Variants in PDIA5 observed in about 807,000 individuals in gnomAD.
The protein encoded by PDIA5 is protein disulfide-isomerase A5.
Under a neutral mutation model 77.6 loss-of-function variants are expected in PDIA5, and 58 were observed. The observed-to-expected ratio is 0.75, with a 90% CI of 0.61 to 0.93. PDIA5 has a LOEUF of 0.93. PDIA5 is among the 40% of genes least tolerant of loss of function. The pLI is 0.00. For synonymous variants in PDIA5, 250 were observed against 252.1 expected (o/e 0.99, Z 0.08); for missense variants, 630 against 647.7 (o/e 0.97, Z 0.30).
chr3:123,088,690 T>C (rs9816539), intron 1 of PDIA5, among the ~76,000 whole-genome samples: 39 of 152,330 alleles, frequency 2.6e-4, no homozygotes, highest in African/African-American at 9.4e-4. Context: ...TCAAGTCCTT[T>C]ATATAAAATG....
In PDIA5 at chr3:123,146,137, C is replaced by G; in HGVS notation, c.1020C>G (p.Asn340Lys). ...GVLAAVDATV[N>K]KALAERFHIS... ...TTGCAGCTGTCGATGCCACTGTCAA[C>G]AAGGCCCTGGCAGAAAGATTCCACA... Residue 340 changes from asparagine to lysine, a missense_variant, in exon 13 of 17, where the codon AAC (asparagine) becomes AAG (lysine). Physicochemically the swap from Asn to Lys is moderately conservative, Grantham distance 94. Transcript: ENST00000316218. The G allele has an allele frequency of 6.2e-7, 1 of 1,614,198 alleles. No individual in the cohort carries two copies. Among genetic ancestry groups the G allele is most frequent in the South Asian group, 1.1e-5 (1 of 91,078 alleles).
chr3:123,071,635 C>G (rs1933725477), intron 1 of PDIA5, among the ~76,000 whole-genome samples: 1 of 152,172 alleles, frequency 6.6e-6, no homozygotes, highest in African/African-American at 2.4e-5. Flanking sequence ...GGAAGTGTGG[C>G]TGAGTGCCAT....
At chr3:123,102,328 C>A in intron 3 of PDIA5, 83 bp from the exon 4 acceptor site, 1 of 1,011,162 alleles carries the variant, frequency 9.9e-7, no homozygotes, top group Non-Finnish European at 1.6e-6. Context: ...TGACTTATTT[C>A]TTAGGACACC....
At chr3:123,119,291 C>T (rs1019428226) in intron 8 of PDIA5, among the ~76,000 whole-genome samples, 12 of 152,148 alleles carry the variant, frequency 7.9e-5, no homozygotes, top group African/African-American at 2.7e-4. Flanking sequence ...TGCCTGGGCC[C>T]AGGTCTAGAA....
At chr3:123,128,902 C>T (rs1419026189) in intron 10 of PDIA5, among the ~76,000 whole-genome samples, 1 of 152,144 alleles carries the variant, frequency 6.6e-6, no homozygotes, top group African/African-American at 2.4e-5. Context: ...TATTTTATCT[C>T]CCCCCTTTTA....
chr3:123,093,452 T>C (rs1262871639), intron 3 of PDIA5, among the ~76,000 whole-genome samples: 1 of 152,186 alleles, frequency 6.6e-6, no homozygotes, highest in Non-Finnish European at 1.5e-5. Context: ...GCCTATTAAA[T>C]GAAGACAAGG....
chr3:123,111,815 T>A (rs1470308076), intron 7 of PDIA5, among the ~76,000 whole-genome samples: 4 of 152,242 alleles, frequency 2.6e-5, no homozygotes, highest in Non-Finnish European at 4.4e-5. Flanking sequence ...AAACCACTCT[T>A]GCCCTTACTA....
intron 8 of PDIA5, among the ~76,000 whole-genome samples, chr3:123,122,463 T>G (rs1411152649): frequency 3.3e-5 from 5 of 152,134 alleles, no homozygotes; most frequent in Non-Finnish European, 4.4e-5. Context: ...AACAGTGAAT[T>G]TAGTGAGCAT....
rs535444486 is a variant in PDIA5, at chr3:123,088,524, T to C, written c.43-644T>C. ...TTTTACTTTGCCCCAGCATATGGCATTGTGGTAACATGAGGAATATGGACA... is the reference window on the plus strand; with the variant it reads ...TTTTACTTTGCCCCAGCATATGGCACTGTGGTAACATGAGGAATATGGACA... On this transcript the variant is annotated intron_variant, in intron 1 of 16. Coordinates refer to ENST00000316218, the MANE Select transcript of PDIA5 (RefSeq NM_006810.4). Among the ~76,000 whole-genome samples, 9 of 152,326 alleles carry C rather than the reference T, an allele frequency of 5.9e-5. No individual in the cohort carries two copies. The South Asian group carries it at 1.9e-3, about 32-fold the overall frequency.
intron 1 of PDIA5, among the ~76,000 whole-genome samples, chr3:123,072,568 C>CTGCCTCCT (rs1933749121): frequency 6.6e-6 from 1 of 152,196 alleles, no homozygotes; most frequent in Admixed American, 6.5e-5. Context: ...GAGCTCTTGA[C>CTGCCTCCT]TGCCTCCTTG....
rs147291446 is a variant in PDIA5, at chr3:123,109,404, A to C, written c.481-1540A>C. ...TCAGGTCTTTTACTAGCTTTTATCT[A>C]CAGAAATCCCAGAAGACAATTTTAG... is the stretch of plus-strand genomic sequence containing the variant. On this transcript the variant is annotated intron_variant, in intron 6 of 16. Transcript: ENST00000316218. Among the ~76,000 whole-genome samples, 885 of 152,312 alleles carry C rather than the reference A, an allele frequency of 5.8e-3. 6 individuals are homozygous for C. Among genetic ancestry groups the C allele is most frequent in the African/African-American group, 0.02 (841 of 41,568 alleles).
chr3:123,151,663 G>A (rs914609387), intron 14 of PDIA5, among the ~76,000 whole-genome samples: 2 of 152,224 alleles, frequency 1.3e-5, no homozygotes, highest in Admixed American at 1.3e-4. Flanking sequence ...ACCGACAGGT[G>A]CTTGAATCCC....
chr3:123,100,686 T>G (rs1211418235), intron 3 of PDIA5, among the ~76,000 whole-genome samples: 1 of 152,234 alleles, frequency 6.6e-6, no homozygotes, highest in East Asian at 1.9e-4. Context: ...ACCTCTCCAG[T>G]AAGACATGCT....
In PDIA5 at chr3:123,100,400, C is replaced by T. The variant is rs147502146; in HGVS notation, c.258-2011C>T. Reference sequence around the variant, plus strand: ...TTCAGCGGGTGCCCTGGGCTGCCTTCTCCATTTGGAGAGCCCACTCCCAGC... The same window carrying T: ...TTCAGCGGGTGCCCTGGGCTGCCTTTTCCATTTGGAGAGCCCACTCCCAGC... On this transcript the variant is annotated intron_variant, in intron 3 of 16. Coordinates refer to ENST00000316218, the MANE Select transcript of PDIA5 (RefSeq NM_006810.4). Among the ~76,000 whole-genome samples, 579 of 152,368 alleles carry T rather than the reference C, an allele frequency of 3.8e-3. 3 individuals carry two copies. Among genetic ancestry groups the T allele is most frequent in the African/African-American group, 0.013 (554 of 41,584 alleles).
chr3:123,129,444 C>T (rs1235549313), intron 10 of PDIA5, among the ~76,000 whole-genome samples: 1 of 152,188 alleles, frequency 6.6e-6, no homozygotes, highest in African/African-American at 2.4e-5. Flanking sequence ...TGGCAGAGTT[C>T]CATTGTGTCA....
At chr3:123,155,843 C>T (rs758241057) in intron 15 of PDIA5, among the ~76,000 whole-genome samples, 2 of 152,102 alleles carry the variant, frequency 1.3e-5, no homozygotes, top group Non-Finnish European at 2.9e-5. Flanking sequence ...CCTTACTTTC[C>T]TGGGTGGAAT....
intron 1 of PDIA5, among the ~76,000 whole-genome samples, chr3:123,069,207 C>T (rs6795320): frequency 0.017 from 2,616 of 152,244 alleles, 76 homozygotes; most frequent in African/African-American, 0.059. Flanking sequence ...ATAAGTGCTC[C>T]CCAGGTTCCT....
chr3:123,130,245 C>G (rs1576456033), intron 10 of PDIA5, among the ~76,000 whole-genome samples: 1 of 152,260 alleles, frequency 6.6e-6, no homozygotes, highest in African/African-American at 2.4e-5. Context: ...CTGTTTGTAA[C>G]AGGATATCAG....
At chr3:123,102,679 C>T (rs1934632882) in intron 4 of PDIA5, 72 bp from the exon 5 acceptor site, 4 of 1,280,044 alleles carry the variant, frequency 3.1e-6, no homozygotes, top group Non-Finnish European at 4.6e-6. Flanking sequence ...TATTAAGATG[C>T]TGCAGGAAAC....
Sources: allele counts gnomAD v4.1 joint callset (sites outside exome capture counted in the v4.1 genomes callset), GRCh38; gene constraint gnomAD v4.1.1; transcripts MANE v1.5; gene names NCBI Gene and HGNC (gene_info 2026-07-23, HGNC 2026-07-21).